Variants in NPPB observed in about 807,000 individuals in gnomAD.
NPPB encodes natriuretic peptide B, also known as natriuretic peptides B.
NPPB carries 13 observed loss-of-function variants against 12.7 expected under a neutral mutation model. That is an observed-to-expected ratio of 1.03 (90% CI 0.67 to 1.63). The LOEUF (loss-of-function observed/expected upper bound fraction) is 1.63, where lower values mean the gene tolerates loss of function less well. Ranked by LOEUF, NPPB falls within the 40% of genes most tolerant of loss-of-function variation. NPPB has a pLI of 0.00. For synonymous variants in NPPB, 66 were observed against 74.7 expected (o/e 0.88, Z 0.60); for missense variants, 184 against 172.9 (o/e 1.06, Z -0.36).
In NPPB at chr1:11,858,912, C is replaced by T; in HGVS notation, c.-79G>A. 5.0e-6 allele frequency: 8 copies of T among 1,606,532 alleles called. No homozygotes were observed. The highest frequency in any genetic ancestry group is 6.8e-6 in the Non-Finnish European group (8 of 1,177,790). Reference sequence around the variant, plus strand: ...TGCTGCGATGCGTCCGGGTTTGCTTCCCACCTGCCCTCAGCCTGCGGGGTG... The same window carrying T: ...TGCTGCGATGCGTCCGGGTTTGCTTTCCACCTGCCCTCAGCCTGCGGGGTG... On this transcript the variant is annotated 5_prime_UTR_variant, in exon 1 of 3. Coordinates refer to ENST00000376468, the MANE Select transcript of NPPB (RefSeq NM_002521.3).
intron 1 of NPPB, 54 bp from the exon 2 acceptor site, chr1:11,858,523 C>CCCTT: frequency 6.5e-7 from 1 of 1,540,162 alleles, no homozygotes; most frequent in Non-Finnish European, 8.7e-7. Flanking sequence ...GGCTCACCAG[C>CCCTT]CCTTCATGGC....
chr1:11,858,245 C>A lies in NPPB; in HGVS notation c.357G>T (p.Arg119=). ...GSGCFGRKMD[R]ISSSSGLGCK... is the part of the protein sequence containing the mutation. ...AGCCCAGGCCACTGGAGGAGCTGAT[C>A]CGGTCCATCTTCCTCCCAAAGCAGC... is the stretch of plus-strand genomic sequence containing the variant. The change falls in exon 2 of 3, where the codon CGG becomes CGT. Residue 119 remains arginine, a synonymous_variant. Coordinates refer to ENST00000376468, the MANE Select transcript of NPPB (RefSeq NM_002521.3). 1 of 1,612,860 alleles carries A rather than the reference C, an allele frequency of 6.2e-7. No individual in the cohort carries two copies. The highest frequency in any genetic ancestry group is 8.5e-7 in the Non-Finnish European group (1 of 1,179,212).
In NPPB at chr1:11,857,505, G is replaced by T; in HGVS notation, c.*150C>A. On this transcript the variant is annotated 3_prime_UTR_variant, in exon 3 of 3. Transcript: ENST00000376468. The stretch of plus-strand genomic sequence containing the variant: ...GACTTTATTTCACCGTGGAAATTTT[G>T]TGCTCAAAGGTAAGAAACCATCTTA... 2 of 677,368 alleles carry T rather than the reference G, an allele frequency of 3.0e-6. No homozygotes were observed. Among genetic ancestry groups the T allele is most frequent in the Non-Finnish European group, 5.1e-6 (2 of 390,430 alleles). 42.0% of individuals were successfully genotyped at this position (677,368 alleles called of 1,614,324 possible).
rs543928951 is a variant in NPPB, at chr1:11,857,564, A to T, written c.*91T>A. 4.1e-5 allele frequency: 47 copies of T among 1,148,054 alleles called. No individual in the cohort carries two copies. In the East Asian group the frequency reaches 4.7e-4, roughly 11 times the overall value. The allele number at this position is 1,148,054 out of a possible 1,614,324, so 71.1% of individuals were successfully genotyped here. A position where few individuals can be genotyped will look rare whatever the true frequency, so the allele number is the denominator to read the frequency against. On this transcript the variant is annotated 3_prime_UTR_variant, in exon 3 of 3. Transcript: ENST00000376468. ...AATCAAATAAATACATAAATACATT[A>T]AAAAAATGAGTCACTTCAAAGGCGG...
chr1:11,857,663 G>A lies in NPPB; in HGVS notation c.397C>T (p.Arg133Trp), dbSNP rs149772863. 4.1e-4 allele frequency: 666 copies of A among 1,613,986 alleles called. 1 individual carries two copies. Among genetic ancestry groups the A allele is most frequent in the Admixed American group, 1.4e-3 (83 of 60,012 alleles). Residue 133 changes from arginine to tryptophan, a missense_variant, in exon 3 of 3, where the codon CGG becomes TGG. Transcript: ENST00000376468. ...SSGLGCKVLRRH is the reference protein window; with the variant it reads ...SSGLGCKVLRWH ...GCAGCCAGGACTTCCTCTTAATGCC[G>A]CCTCAGCACTGTCAGGGAAAGAGAG...
At chr1:11,858,676 C>T (rs748544214) in intron 1 of NPPB, 26 bp downstream of exon 1, 2 of 1,614,156 alleles carry the variant, frequency 1.2e-6, no homozygotes, top group East Asian at 2.2e-5. Flanking sequence ...GCTGTCCAAT[C>T]CCCCTGAGCT....
chr1:11,858,107 CT>C, intron 2 of NPPB, 106 bp downstream of exon 2: 1 of 1,127,524 alleles, frequency 8.9e-7, no homozygotes, highest in Non-Finnish European at 1.3e-6. Flanking sequence ...TCCAGGTGAC[CT>C]TTTCTCAAAG....
chr1:11,858,678 C>T, intron 1 of NPPB, 24 bp downstream of exon 1: 2 of 1,614,182 alleles, frequency 1.2e-6, no homozygotes, highest in Non-Finnish European at 1.7e-6. Context: ...TGTCCAATCC[C>T]CCTGAGCTGC....
rs771762194 is a variant in NPPB at position 11,858,861 on chromosome 1, G to GCTGCTGCTT, written c.-37_-29dup. On this transcript the variant is annotated 5_prime_UTR_variant, in exon 1 of 3. Coordinates refer to ENST00000376468, the MANE Select transcript of NPPB (RefSeq NM_002521.3). ...CTCTGGAGGGACTGCGGAGGCTGCTGCTGCTGCTTCTGCTGCTGCTGCTGC... is the reference window on the plus strand; with the variant it reads ...CTCTGGAGGGACTGCGGAGGCTGCTGCTGCTGCTTCTGCTGCTTCTGCTGCTGCTGCTGC... 3 of 1,610,238 alleles carry GCTGCTGCTT rather than the reference G, an allele frequency of 1.9e-6. No individual in the cohort carries two copies. Among genetic ancestry groups the GCTGCTGCTT allele is most frequent in the East Asian group, 2.2e-5 (1 of 44,840 alleles).
intron 2 of NPPB, 42 bp downstream of exon 2, chr1:11,858,172 C>G: frequency 6.5e-7 from 1 of 1,545,546 alleles, no homozygotes; most frequent in South Asian, 1.2e-5. Flanking sequence ...GTGTCACACA[C>G]TGGAATGGGG....
In NPPB at chr1:11,858,705, T is replaced by C; in HGVS notation, c.129A>G (p.Leu43=). ...GSASDLETSG[L]QEQRNHLQGK... Reference sequence around the variant, plus strand: ...CTGAGCTGCCCTCCGCTCTCACCTGTAACCCGGACGTTTCCAAGTCCGAGG... The same window carrying C: ...CTGAGCTGCCCTCCGCTCTCACCTGCAACCCGGACGTTTCCAAGTCCGAGG... Residue 43 remains leucine (L), a synonymous_variant, in exon 1 of 3, where the codon TTA becomes TTG. Coordinates refer to ENST00000376468, the MANE Select transcript of NPPB (RefSeq NM_002521.3). The C allele has an allele frequency of 6.2e-7, 1 of 1,614,180 alleles. No individual in the cohort carries two copies. Among genetic ancestry groups the C allele is most frequent in the Non-Finnish European group, 8.5e-7 (1 of 1,180,014 alleles).
Position 11,858,872 on chromosome 1 carries a change from T to G in NPPB, c.-39A>C. 6.8e-7 allele frequency: 1 copy of G among 1,462,120 alleles called. No individual in the cohort carries two copies. Among genetic ancestry groups the G allele is most frequent in the Non-Finnish European group, 9.2e-7 (1 of 1,086,172 alleles). The allele number at this position is 1,462,120 out of a possible 1,614,324, so 90.6% of individuals were successfully genotyped here. A position where few individuals can be genotyped will look rare whatever the true frequency, so the allele number is the denominator to read the frequency against. On this transcript the variant is annotated 5_prime_UTR_variant, in exon 1 of 3. Transcript: ENST00000376468. ...CTGCGGAGGCTGCTGCTGCTGCTTCTGCTGCTGCTGCTGCTGCTGCGATGC... is the reference window on the plus strand; with the variant it reads ...CTGCGGAGGCTGCTGCTGCTGCTTCGGCTGCTGCTGCTGCTGCTGCGATGC...
rs772611693 is a variant in NPPB, at chr1:11,858,313, T to C, written c.289A>G (p.Thr97Ala). Residue 97 changes from threonine to alanine, a missense_variant, in exon 2 of 3, where the codon ACC becomes GCC. By Grantham distance (58) the Thr-to-Ala change is moderately conservative. Coordinates refer to ENST00000376468, the MANE Select transcript of NPPB (RefSeq NM_002521.3). Reference sequence around the variant, plus strand: ...TTGGGGCTTCGTGGTGCCCGCAGGGTGTAGAGGACCATTTTGCGGTGCCCA... The same window carrying C: ...TTGGGGCTTCGTGGTGCCCGCAGGGCGTAGAGGACCATTTTGCGGTGCCCA... ...IRGHRKMVLY[T>A]LRAPRSPKMV... 1 of 1,613,882 alleles carries C rather than the reference T, an allele frequency of 6.2e-7. No homozygotes were observed. The highest frequency in any genetic ancestry group is 8.5e-7 in the Non-Finnish European group (1 of 1,179,906).
rs768058181 is a variant in NPPB at position 11,858,487 on chromosome 1, G to A, written c.133-18C>T. 6.5e-6 allele frequency: 10 copies of A among 1,532,062 alleles called. No homozygotes were observed. Among genetic ancestry groups the A allele is most frequent in the East Asian group, 2.3e-5 (1 of 44,094 alleles). The allele number at this position is 1,532,062 out of a possible 1,614,324, so 94.9% of individuals were successfully genotyped here. ...CGCTGCTCCTGCAATGAATGGGGGC[G>A]TCCAAGCCTCAGGGACCCACCCCTG... On this transcript the variant is annotated intron_variant, in intron 1 of 2. Transcript: ENST00000376468.
Position 11,857,558 on chromosome 1 carries a change from T to A in NPPB, c.*97A>T, listed in dbSNP as rs1396511860. 3.6e-6 allele frequency: 4 copies of A among 1,115,184 alleles called. No individual in the cohort carries two copies. In the African/African-American group the frequency reaches 7.0e-5, roughly 19 times the overall value. The allele number at this position is 1,115,184 out of a possible 1,614,324, so 69.1% of individuals were successfully genotyped here. On this transcript the variant is annotated 3_prime_UTR_variant, in exon 3 of 3. Transcript: ENST00000376468. ...TAAAACAATCAAATAAATACATAAA[T>A]ACATTAAAAAAATGAGTCACTTCAA... is the stretch of plus-strand genomic sequence containing the variant.
intron 1 of NPPB, 89 bp from the exon 2 acceptor site, chr1:11,858,558 G>A: frequency 1.3e-6 from 2 of 1,569,832 alleles, no homozygotes; most frequent in South Asian, 1.2e-5. Flanking sequence ...ACTGCCTTGG[G>A]TACAGGGTCA....
rs1434894524 is a variant in NPPB, at chr1:11,857,679, GGAAA to G, written c.389-12_389-9del. 2.5e-6 allele frequency: 4 copies of G among 1,613,920 alleles called. No individual in the cohort carries two copies. The highest frequency in any genetic ancestry group is 3.4e-6 in the Non-Finnish European group (4 of 1,179,896). On this transcript the variant is annotated splice_polypyrimidine_tract_variant and intron_variant, in intron 2 of 2. Coordinates refer to ENST00000376468, the MANE Select transcript of NPPB (RefSeq NM_002521.3). ...CTTAATGCCGCCTCAGCACTGTCAGGGAAAGAGAGAGGGTGATGATGGTTAGGGT... is the reference window on the plus strand; with the variant it reads ...CTTAATGCCGCCTCAGCACTGTCAGGGAGAGAGGGTGATGATGGTTAGGGT...
intron 1 of NPPB, 24 bp from the exon 2 acceptor site, chr1:11,858,493 G>A (rs766512717): frequency 1.3e-6 from 2 of 1,533,182 alleles, no homozygotes; most frequent in South Asian, 2.6e-5. Context: ...GGGCGTCCAA[G>A]CCTCAGGGAC....
intron 1 of NPPB, 23 bp downstream of exon 1, chr1:11,858,679 C>G: frequency 2.5e-6 from 4 of 1,614,178 alleles, no homozygotes; most frequent in Non-Finnish European, 2.5e-6. Context: ...GTCCAATCCC[C>G]CTGAGCTGCC....
Sources: gnomAD v4.1 joint callset for allele counts on GRCh38, gnomAD v4.1.1 for gene constraint, MANE v1.5 for transcripts, NCBI Gene and HGNC (gene_info 2026-07-23, HGNC 2026-07-21) for gene names.